Variants in ADCY8 observed in about 807,000 individuals in gnomAD.
ADCY8 encodes the protein adenylate cyclase type 8.
A neutral mutation model predicts 119.7 loss-of-function variants in ADCY8; 51 were observed. The ratio of observed to expected loss-of-function variants is 0.43; its 90% CI spans 0.34 to 0.54. The LOEUF (loss-of-function observed/expected upper bound fraction) is 0.54, where lower values mean the gene tolerates loss of function less well. Among genes scored for constraint, ADCY8 ranks in the 20% least tolerant of loss-of-function variants. ADCY8 has a pLI of 0.03. For missense variants in ADCY8, 1,383 were observed against 1,598.8 expected (o/e 0.87, Z 2.30); for synonymous variants, 665 against 651.0 (o/e 1.02, Z -0.33).
chr8:131,030,990 A>G (rs1445278186), intron 1 of ADCY8, among the ~76,000 whole-genome samples: 3 of 152,218 alleles, frequency 2.0e-5, no homozygotes, highest in South Asian at 4.1e-4. Context: ...CAAAGCAACC[A>G]TGATGACATG....
intron 13 of ADCY8, among the ~76,000 whole-genome samples, chr8:130,816,211 A>C (rs1018886851): frequency 6.6e-6 from 1 of 152,180 alleles, no homozygotes; most frequent in African/African-American, 2.4e-5. Flanking sequence ...AAACAAACCA[A>C]ATGTTCATTT....
At chr8:130,816,340 T>C (rs1290303755) in intron 13 of ADCY8, among the ~76,000 whole-genome samples, 5 of 152,086 alleles carry the variant, frequency 3.3e-5, no homozygotes, top group East Asian at 1.9e-4. Context: ...GAAAAGTGTA[T>C]ATAGTATGCT....
intron 14 of ADCY8, among the ~76,000 whole-genome samples, chr8:130,813,772 T>A (rs558053048): frequency 6.6e-6 from 1 of 152,322 alleles, no homozygotes; most frequent in South Asian, 2.1e-4. Context: ...TATATATACA[T>A]ACATACGTAC....
chr8:130,935,296 C>T (rs907562915), intron 5 of ADCY8: 1 of 152,100 alleles, frequency 6.6e-6, no homozygotes, highest in African/African-American at 2.4e-5. Context: ...GGGGCGGTAG[C>T]CTAATGTAGG....
At chr8:130,862,752 G>A (rs1202082331) in intron 9 of ADCY8, among the ~76,000 whole-genome samples, 1 of 152,164 alleles carries the variant, frequency 6.6e-6, no homozygotes, top group African/African-American at 2.4e-5. Context: ...TTTCACTCAC[G>A]TGTGATTGAA....
intron 5 of ADCY8, among the ~76,000 whole-genome samples, chr8:130,913,179 C>G (rs113912238): frequency 5.3e-5 from 8 of 152,194 alleles, no homozygotes; most frequent in African/African-American, 1.9e-4. Flanking sequence ...AAGCATTTAT[C>G]CTTTGAGTTG....
intron 9 of ADCY8, among the ~76,000 whole-genome samples, chr8:130,857,411 T>G (rs1456113429): frequency 6.6e-6 from 1 of 152,218 alleles, no homozygotes; most frequent in African/African-American, 2.4e-5. Flanking sequence ...AAATCTGATT[T>G]GTCTTTTAAA....
intron 15 of ADCY8, among the ~76,000 whole-genome samples, chr8:130,790,739 G>A (rs1815399217): frequency 6.6e-6 from 1 of 152,144 alleles, no homozygotes; most frequent in African/African-American, 2.4e-5. Context: ...TCAGGCCACT[G>A]TTGGGAAGCC....
chr8:130,873,035 G>A (rs1818423623), intron 8 of ADCY8, among the ~76,000 whole-genome samples: 1 of 152,164 alleles, frequency 6.6e-6, no homozygotes, highest in African/African-American at 2.4e-5. Context: ...CTGATCACAT[G>A]CAAAACAAAT....
At position 130,940,819 on chromosome 8, in the gene ADCY8, T is replaced by G. The variant is rs549812301; in HGVS notation, c.1353+2532A>C. Among the ~76,000 whole-genome samples the G allele has an allele frequency of 5.9e-5, 9 of 152,304 alleles. No homozygotes were observed. In the South Asian group the frequency reaches 1.7e-3, roughly 28 times the overall value. On this transcript the variant is annotated intron_variant, in intron 4 of 17. Coordinates refer to ENST00000286355, the MANE Select transcript of ADCY8 (RefSeq NM_001115.3). ...CCTCTTGTCTTGATGACTTTGACAT[T>G]ATCAAAATCTTGGAAAATTCCCAAG...
chr8:130,897,868 C>A (rs1030023901), intron 7 of ADCY8, among the ~76,000 whole-genome samples: 1 of 151,082 alleles, frequency 6.6e-6, no homozygotes, highest in African/African-American at 2.4e-5. Context: ...ATAAACACCA[C>A]ACACATACAC....
chr8:130,904,615 A>C (rs1819721668), intron 6 of ADCY8, among the ~76,000 whole-genome samples: 1 of 152,200 alleles, frequency 6.6e-6, no homozygotes, highest in African/African-American at 2.4e-5. Context: ...ACTGTAGGGT[A>C]CAATTTCCCC....
chr8:130,968,362 G>A (rs575560294), intron 2 of ADCY8, among the ~76,000 whole-genome samples: 2 of 152,098 alleles, frequency 1.3e-5, no homozygotes, highest in Middle Eastern at 3.4e-3. Context: ...TAGTAGAGAC[G>A]GGGTTCCACC....
Position 130,780,567 on chromosome 8 carries a change from G to C in ADCY8, c.3579C>G (p.Ala1193=), listed in dbSNP as rs146198447. The C allele has an allele frequency of 1.2e-6, 2 of 1,614,110 alleles. No individual in the cohort carries two copies. Among genetic ancestry groups the C allele is most frequent in the African/African-American group, 1.3e-5 (1 of 75,018 alleles). ...PRRLPGQYSL[A]AVVLGLVQSL... ...ACTGGACAAGTCCCAGGACAACCGCGGCCAGGGAGTACTGCCCAGGCAGTC... is the reference window on the plus strand; with the variant it reads ...ACTGGACAAGTCCCAGGACAACCGCCGCCAGGGAGTACTGCCCAGGCAGTC... The change falls in exon 18 of 18, where the codon GCC becomes GCG. Residue 1193 remains alanine (A), a synonymous_variant. Transcript: ENST00000286355.
intron 14 of ADCY8, among the ~76,000 whole-genome samples, chr8:130,809,972 C>T (rs1178231015): frequency 6.6e-6 from 1 of 152,230 alleles, no homozygotes; most frequent in African/African-American, 2.4e-5. Context: ...GAATTATTTT[C>T]TAAAGTGTGA....
intron 1 of ADCY8, among the ~76,000 whole-genome samples, chr8:130,993,762 A>T (rs1323572023): frequency 6.6e-6 from 1 of 152,158 alleles, no homozygotes. Flanking sequence ...GAGTCCATTA[A>T]TCCTCTTTTC....
At chr8:130,814,260 G>A (rs1816267678) in intron 13 of ADCY8, 33 bp from the exon 14 acceptor site, 8 of 1,610,582 alleles carry the variant, frequency 5.0e-6, no homozygotes, top group Admixed American at 1.7e-5. Context: ...AGGAGAATGA[G>A]GTAAACTTCT....
intron 7 of ADCY8, among the ~76,000 whole-genome samples, chr8:130,895,166 T>C (rs959319106): frequency 2.0e-5 from 3 of 152,198 alleles, no homozygotes; most frequent in Non-Finnish European, 4.4e-5. Context: ...ATATTTAAAA[T>C]ATCATACATT....
At position 131,040,372 on chromosome 8, in the gene ADCY8, G is replaced by T; in HGVS notation, c.-39C>A. On this transcript the variant is annotated 5_prime_UTR_variant, in exon 1 of 18. Transcript: ENST00000286355. The stretch of plus-strand genomic sequence containing the variant: ...AGGGAAGGAGGCCCAGAACCTTGGG[G>T]AGGCAGCCGGAGGAGGGGTTCCTAA... The T allele has an allele frequency of 6.9e-7, 1 of 1,449,574 alleles. No homozygotes were observed. 89.8% of individuals were successfully genotyped at this position (1,449,574 alleles called of 1,614,324 possible).
Sources: allele counts gnomAD v4.1 joint callset (sites outside exome capture counted in the v4.1 genomes callset), GRCh38; gene constraint gnomAD v4.1.1; transcripts MANE v1.5; gene names NCBI Gene and HGNC (gene_info 2026-07-23, HGNC 2026-07-21).